The following HNF4G variants were observed in gnomAD, a reference collection of about 807,000 sequenced individuals.
HNF4G encodes hepatocyte nuclear factor 4 gamma, also known as hepatocyte nuclear factor 4-gamma.
HNF4G carries 21 observed loss-of-function variants against 50.9 expected under a neutral mutation model. The observed-to-expected ratio is 0.41, with a 90% confidence interval of 0.29 to 0.59. HNF4G has a LOEUF of 0.59. Among genes scored for constraint, HNF4G ranks in the 20% least tolerant of loss-of-function variants. The pLI is 0.26. For missense variants in HNF4G, 527 were observed against 559.4 expected (o/e 0.94, Z 0.58); for synonymous variants, 198 against 185.6 (o/e 1.07, Z -0.54).
chr8:75,457,357 A>G (rs1040382069), intron 1 of HNF4G, among the ~76,000 whole-genome samples: 1 of 152,184 alleles, frequency 6.6e-6, no homozygotes, highest in African/African-American at 2.4e-5. Flanking sequence ...TTGACTTGTC[A>G]GGTGGCTTTA....
chr8:75,535,117 A>G (rs1806426246), upstream of HNF4G, among the ~76,000 whole-genome samples: 1 of 151,736 alleles, frequency 6.6e-6, no homozygotes, highest in Non-Finnish European at 1.5e-5. Flanking sequence ...GGGCTTTAGG[A>G]AAAAAATGTA....
At chr8:75,431,864 T>G (rs1221836730) in intron 1 of HNF4G, among the ~76,000 whole-genome samples, 2 of 151,778 alleles carry the variant, frequency 1.3e-5, no homozygotes, top group East Asian at 1.9e-4. Flanking sequence ...AGGCAGAGTT[T>G]GCAGTGAGCC....
upstream of HNF4G, among the ~76,000 whole-genome samples, chr8:75,536,069 G>A (rs968729983): frequency 2.9e-4 from 44 of 151,826 alleles, no homozygotes; most frequent in African/African-American, 1.1e-3. Flanking sequence ...TGGAGTGTTT[G>A]ACCTAACTAG....
At chr8:75,493,556 A>T (rs1290770449) in intron 2 of HNF4G, among the ~76,000 whole-genome samples, 6 of 152,172 alleles carry the variant, frequency 3.9e-5, no homozygotes, top group African/African-American at 1.2e-4. Flanking sequence ...GTTAAAAAAA[A>T]TTGTTTATAA....
chr8:75,562,634 A>G (rs923295472), intron 9 of HNF4G, among the ~76,000 whole-genome samples: 1 of 152,174 alleles, frequency 6.6e-6, no homozygotes, highest in African/African-American at 2.4e-5. Flanking sequence ...CTGGTGGTTG[A>G]ATACTTTTTA....
upstream of HNF4G, among the ~76,000 whole-genome samples, chr8:75,537,495 C>T (rs1045234223): frequency 1.3e-5 from 2 of 152,080 alleles, no homozygotes; most frequent in Non-Finnish European, 2.9e-5. Flanking sequence ...ATCTACTTGC[C>T]TTGGCCTACC....
intron 5 of HNF4G, 84 bp downstream of exon 5, chr8:75,553,281 G>A: frequency 8.5e-7 from 1 of 1,171,982 alleles, no homozygotes; most frequent in Non-Finnish European, 1.2e-6. Context: ...TATTTGTAAT[G>A]CATATTCTAT....
intron 2 of HNF4G, among the ~76,000 whole-genome samples, chr8:75,513,068 G>A (rs1805799184): frequency 6.6e-6 from 1 of 151,956 alleles, no homozygotes; most frequent in African/African-American, 2.4e-5. Context: ...AAAGAGTCTC[G>A]CTCTTGTCCC....
chr8:75,558,736 A>G (rs1184729867), intron 7 of HNF4G, 65 bp from the exon 8 acceptor site: 3 of 1,580,224 alleles, frequency 1.9e-6, no homozygotes, highest in African/African-American at 1.4e-5. Flanking sequence ...CAATATTAGA[A>G]TATTTATTGT....
chr8:75,475,740 A>T (rs1342030446), intron 1 of HNF4G, among the ~76,000 whole-genome samples: 4 of 152,078 alleles, frequency 2.6e-5, no homozygotes, highest in Non-Finnish European at 5.9e-5. Context: ...TTTTATTTTA[A>T]AGTGCCAAGA....
chr8:75,486,346 G>C (rs914125411), intron 1 of HNF4G, among the ~76,000 whole-genome samples: 5 of 152,086 alleles, frequency 3.3e-5, no homozygotes, highest in Non-Finnish European at 1.5e-5. Flanking sequence ...ATGCTTTCTG[G>C]TTGAACCTTA....
chr8:75,492,766 C>T (rs1344066903), intron 2 of HNF4G, among the ~76,000 whole-genome samples: 2 of 152,066 alleles, frequency 1.3e-5, no homozygotes, highest in African/African-American at 4.8e-5. Context: ...ATCCTACCCT[C>T]ACAGAAACCA....
chr8:75,417,353 A>C (rs117311964), intron 1 of HNF4G, among the ~76,000 whole-genome samples: 1 of 152,228 alleles, frequency 6.6e-6, no homozygotes, highest in African/African-American at 2.4e-5. Flanking sequence ...AATGCTTCAC[A>C]TATATTAAAT....
intron 2 of HNF4G, among the ~76,000 whole-genome samples, chr8:75,534,853 G>A (rs148330030): frequency 1.3e-5 from 2 of 151,798 alleles, no homozygotes; most frequent in East Asian, 1.9e-4. Flanking sequence ...AAAACTGTAA[G>A]CAAAGCTGTA....
chr8:75,444,345 T>A (rs830787), intron 1 of HNF4G, among the ~76,000 whole-genome samples: 69,204 of 149,438 alleles, frequency 0.46, 16,217 homozygotes, highest in Middle Eastern at 0.54. Flanking sequence ...TAAAGACCAT[T>A]GAGACTAGGA....
intron 2 of HNF4G, among the ~76,000 whole-genome samples, chr8:75,545,239 A>ATGTGTGTGTG (rs57486410): frequency 0.096 from 14,020 of 145,484 alleles, 738 homozygotes; most frequent in South Asian, 0.12. Context: ...TTAAAATTGA[A>ATGTGTGTGTG]TGTGTGTGTG....
At chr8:75,461,115 T>C (rs1357366360) in intron 1 of HNF4G, among the ~76,000 whole-genome samples, 1 of 152,192 alleles carries the variant, frequency 6.6e-6, no homozygotes, top group African/African-American at 2.4e-5. Flanking sequence ...CTTTGCTTCC[T>C]ATTTCTGCTG....
At chr8:75,429,290 A>G (rs117810462) in intron 1 of HNF4G, among the ~76,000 whole-genome samples, 2 of 152,286 alleles carry the variant, frequency 1.3e-5, no homozygotes, top group East Asian at 3.9e-4. Flanking sequence ...GTCTTTCAAA[A>G]GTTATGTTTC....
chr8:75,493,993 C>A (rs1812694551), intron 2 of HNF4G, among the ~76,000 whole-genome samples: 1 of 151,932 alleles, frequency 6.6e-6, no homozygotes. Context: ...AATATTTTTC[C>A]AATGTGATAT....
Sources: gnomAD v4.1 joint callset for allele counts (sites outside exome capture counted in the v4.1 genomes callset) on GRCh38, gnomAD v4.1.1 for gene constraint, MANE v1.5 for transcripts, NCBI Gene and HGNC (gene_info 2026-07-23, HGNC 2026-07-21) for gene names.